The following SDK1 variants were observed in gnomAD, a reference collection of about 807,000 sequenced individuals.
The protein encoded by SDK1 is sidekick cell adhesion molecule 1.
SDK1 carries 157 observed loss-of-function variants against 245.5 expected under a neutral mutation model. That is an observed-to-expected ratio of 0.64 (90% CI 0.56 to 0.73). The LOEUF (loss-of-function observed/expected upper bound fraction) is 0.73. SDK1 is among the 30% of genes least tolerant of loss of function. The pLI, the probability that SDK1 is intolerant of heterozygous loss-of-function variation, is 0.00. For synonymous variants in SDK1, 1,647 were observed against 1,278.5 expected, an observed-to-expected ratio of 1.29 and a Z score of -6.15; for missense variants, 3,583 against 3,002.3, an observed-to-expected ratio of 1.19 and a Z score of -4.52.
chr7:3,604,050 T>G lies in SDK1; in HGVS notation c.299-15030T>G, dbSNP rs569435212. ...ATGAAGCCCACTTGATCATGGTGGA[T>G]AAGCTTTTTGATGTGCTGCTGGATT... is the stretch of plus-strand genomic sequence containing the variant. On this transcript the variant is annotated intron_variant, in intron 1 of 44. Transcript: ENST00000404826. Among the ~76,000 whole-genome samples the G allele has an allele frequency of 8.5e-5, 13 of 152,330 alleles. 1 individual carries two copies. The East Asian group carries it at 1.9e-3, about 23-fold the overall frequency.
At chr7:3,897,171 G>A (rs1254934714) in intron 5 of SDK1, among the ~76,000 whole-genome samples, 1 of 152,218 alleles carries the variant, frequency 6.6e-6, no homozygotes, top group African/African-American at 2.4e-5. Context: ...TGACATTTGG[G>A]AGGGGACCAG....
intron 36 of SDK1, among the ~76,000 whole-genome samples, chr7:4,207,647 TC>T (rs1239885292): frequency 6.6e-6 from 1 of 151,944 alleles, no homozygotes; most frequent in Admixed American, 6.6e-5. Flanking sequence ...GTTTGTTGTC[TC>T]CATAGCTCGG....
intron 1 of SDK1, among the ~76,000 whole-genome samples, chr7:3,469,940 G>A (rs1781128939): frequency 6.6e-6 from 1 of 152,188 alleles, no homozygotes; most frequent in Non-Finnish European, 1.5e-5. Flanking sequence ...ATAGATTGCA[G>A]AGATTTGCTT....
intron 37 of SDK1, 32 bp from the exon 38 acceptor site, chr7:4,209,993 T>A: frequency 1.3e-6 from 2 of 1,528,764 alleles, no homozygotes; most frequent in South Asian, 2.6e-5. Context: ...TAGGAGCCCC[T>A]GTAAAAGTCA....
intron 4 of SDK1, among the ~76,000 whole-genome samples, chr7:3,696,730 A>G (rs1440134085): frequency 2.0e-5 from 3 of 152,136 alleles, no homozygotes; most frequent in African/African-American, 7.2e-5. Flanking sequence ...AGGATGAAAT[A>G]ATATATATTT....
intron 4 of SDK1, among the ~76,000 whole-genome samples, chr7:3,733,601 C>T (rs1447670433): frequency 3.9e-5 from 6 of 152,078 alleles, no homozygotes; most frequent in South Asian, 4.1e-4. Flanking sequence ...ACCTCTAGCC[C>T]GCGAGTTCCA....
chr7:3,902,931 A>G (rs929158736), intron 5 of SDK1, among the ~76,000 whole-genome samples: 3 of 152,338 alleles, frequency 2.0e-5, no homozygotes, highest in South Asian at 2.1e-4. Flanking sequence ...CCACTCAACA[A>G]TAAAAAGACA....
intron 4 of SDK1, among the ~76,000 whole-genome samples, chr7:3,709,543 G>T (rs192350940): frequency 6.6e-6 from 1 of 152,186 alleles, no homozygotes; most frequent in Non-Finnish European, 1.5e-5. Context: ...GCTGCAGCCT[G>T]CTGCTTCTTT....
chr7:3,434,452 A>G (rs7803004), intron 1 of SDK1, among the ~76,000 whole-genome samples: 62,141 of 152,056 alleles, frequency 0.41, 14,205 homozygotes, highest in Admixed American at 0.51. Context: ...TCGCGTGCCA[A>G]CCACTTCTCT....
At chr7:3,302,042 A>G (rs1046238843) in intron 1 of SDK1, 158 bp downstream of exon 1, 20 of 434,168 alleles carry the variant, frequency 4.6e-5, no homozygotes, top group African/African-American at 3.6e-4. Flanking sequence ...CCTCCACGCC[A>G]GACTCGGAGG....
At chr7:4,133,662 A>G (rs1266657801) in intron 28 of SDK1, among the ~76,000 whole-genome samples, 1 of 152,096 alleles carries the variant, frequency 6.6e-6, no homozygotes. Flanking sequence ...AAGGCTGGGG[A>G]TGGAGGCTGG....
rs1173151078 is a variant in SDK1, at chr7:4,267,427, A to G, written c.*2043A>G. On this transcript the variant is annotated 3_prime_UTR_variant, in exon 45 of 45. Coordinates refer to ENST00000404826, the MANE Select transcript of SDK1 (RefSeq NM_152744.4). ...ATGCTCTGCCCAAAGCCACTTCTGCATGAGAATCGCAACCCACAGTTCCCC... is the reference window on the plus strand; with the variant it reads ...ATGCTCTGCCCAAAGCCACTTCTGCGTGAGAATCGCAACCCACAGTTCCCC... The G allele has an allele frequency of 2.0e-6, 2 of 985,312 alleles. No individual in the cohort carries two copies. The highest frequency in any genetic ancestry group is 2.4e-6 in the Non-Finnish European group (2 of 829,988). 61.0% of individuals were successfully genotyped at this position (985,312 alleles called of 1,614,324 possible).
intron 1 of SDK1, among the ~76,000 whole-genome samples, chr7:3,614,061 A>G (rs1348658418): frequency 1.3e-5 from 2 of 152,142 alleles, no homozygotes; most frequent in African/African-American, 4.8e-5. Context: ...AATCTGTACA[A>G]CAAACCCCCA....
intron 14 of SDK1, among the ~76,000 whole-genome samples, chr7:3,998,309 C>A (rs1025167434): frequency 6.6e-6 from 1 of 152,232 alleles, no homozygotes; most frequent in Non-Finnish European, 1.5e-5. Context: ...ATGATGGCAG[C>A]GGCAGGCTGT....
At chr7:4,168,897 G>A (rs995359083) in intron 32 of SDK1, among the ~76,000 whole-genome samples, 1 of 152,156 alleles carries the variant, frequency 6.6e-6, no homozygotes, top group Non-Finnish European at 1.5e-5. Context: ...TCACTGCCCA[G>A]ACTCCAGCCA....
intron 5 of SDK1, among the ~76,000 whole-genome samples, chr7:3,929,776 G>A (rs1779908233): frequency 6.6e-6 from 1 of 152,090 alleles, no homozygotes; most frequent in Non-Finnish European, 1.5e-5. Flanking sequence ...TAGATAGGTG[G>A]AGAGGTGTAT....
At chr7:3,309,305 C>G (rs1779494046) in intron 1 of SDK1, among the ~76,000 whole-genome samples, 1 of 151,138 alleles carries the variant, frequency 6.6e-6, no homozygotes, top group Non-Finnish European at 1.5e-5. Flanking sequence ...TTTTTATACA[C>G]AAACCACCAG....
chr7:3,499,259 G>T lies in SDK1; in HGVS notation c.299-119821G>T, dbSNP rs558430865. Among the ~76,000 whole-genome samples, 6 of 152,260 alleles carry T rather than the reference G, an allele frequency of 3.9e-5. No homozygotes were observed. The South Asian group carries it at 1.2e-3, about 32-fold the overall frequency. ...TATTGATTTAATTCAACAATCATTT[G>T]TGCAACAGTAACTTGCTTACAATGC... On this transcript the variant is annotated intron_variant, in intron 1 of 44. Coordinates refer to ENST00000404826, the MANE Select transcript of SDK1 (RefSeq NM_152744.4).
chr7:3,575,501 A>C (rs1317364491), intron 1 of SDK1, among the ~76,000 whole-genome samples: 3 of 151,950 alleles, frequency 2.0e-5, no homozygotes, highest in Non-Finnish European at 4.4e-5. Flanking sequence ...AAGCTAAAAG[A>C]ATGCATTTTA....
Sources: gnomAD v4.1 joint callset for allele counts (sites outside exome capture counted in the v4.1 genomes callset) on GRCh38, gnomAD v4.1.1 for gene constraint, MANE v1.5 for transcripts, NCBI Gene and HGNC (gene_info 2026-07-23, HGNC 2026-07-21) for gene names.